The following PANK2 variants were observed in gnomAD, a reference collection of about 807,000 sequenced individuals.
PANK2 encodes the protein pantothenate kinase 2.
Under a neutral mutation model 43.1 loss-of-function variants are expected in PANK2, and 36 were observed. That is an observed-to-expected ratio of 0.84 (90% CI 0.64 to 1.10). PANK2 has a LOEUF of 1.10. Ranked by LOEUF, PANK2 falls within the 50% of genes least tolerant of loss-of-function variation. PANK2 has a pLI of 0.00. For missense variants in PANK2, 576 were observed against 593.3 expected, an observed-to-expected ratio of 0.97 and a Z score of 0.30; for synonymous variants, 281 against 238.2, an observed-to-expected ratio of 1.18 and a Z score of -1.66.
chr20:3,889,029 G>A (rs1322122748), upstream of PANK2: 5 of 1,275,320 alleles, frequency 3.9e-6, no homozygotes, highest in Admixed American at 2.6e-5. Context: ...GGGACTCGGG[G>A]TCGCCCCAGG....
intron 1 of PANK2, among the ~76,000 whole-genome samples, chr20:3,897,473 G>A (rs2090228378): frequency 6.6e-6 from 1 of 152,126 alleles, no homozygotes; most frequent in African/African-American, 2.4e-5. Flanking sequence ...GGCTGAGGCG[G>A]GTGGATCGCT....
In PANK2 at chr20:3,912,651, G is replaced by A; in HGVS notation, c.1082+17G>A. 6.2e-7 allele frequency: 1 copy of A among 1,612,654 alleles called. No individual in the cohort carries two copies. The highest frequency in any genetic ancestry group is 1.1e-5 in the South Asian group (1 of 91,048). On this transcript the variant is annotated intron_variant, in intron 4 of 6. Coordinates refer to ENST00000610179, the MANE Select transcript of PANK2 (RefSeq NM_001386393.1). Reference sequence around the variant, plus strand: ...GGCTTCAAGGTAAGGGGGCATGTGTGTTCTAAGAAATACAGGCGGGCCGGG... The same window carrying A: ...GGCTTCAAGGTAAGGGGGCATGTGTATTCTAAGAAATACAGGCGGGCCGGG...
intron 1 of PANK2, chr20:3,890,076 C>T (rs538200678): frequency 2.8e-4 from 155 of 562,750 alleles, no homozygotes; most frequent in Admixed American, 4.6e-4. Flanking sequence ...CACCTCCTTT[C>T]CTCCCAAATC....
At chr20:3,889,766 C>A in intron 1 of PANK2, 38 bp downstream of exon 1, 2 of 1,575,428 alleles carry the variant, frequency 1.3e-6, no homozygotes, top group East Asian at 2.3e-5. Context: ...GCCCGCCCTG[C>A]CCCCCCTTCC....
At chr20:3,895,569 G>C (rs901577427) in intron 1 of PANK2, among the ~76,000 whole-genome samples, 5 of 150,414 alleles carry the variant, frequency 3.3e-5, no homozygotes, top group African/African-American at 9.8e-5. Context: ...AGAGCATCAG[G>C]CAATGAAAAG....
At chr20:3,909,990 A>C (rs1332081237) in intron 2 of PANK2, among the ~76,000 whole-genome samples, 1 of 152,248 alleles carries the variant, frequency 6.6e-6, no homozygotes, top group Non-Finnish European at 1.5e-5. Flanking sequence ...ATTATGAAAC[A>C]GTTCAAATTT....
chr20:3,890,687 C>T (rs1260916997), intron 1 of PANK2, among the ~76,000 whole-genome samples: 1 of 152,114 alleles, frequency 6.6e-6, no homozygotes, highest in Non-Finnish European at 1.5e-5. Context: ...GGGAAAATGG[C>T]AAGATGTGAG....
chr20:3,891,177 A>G (rs1469855061), intron 1 of PANK2: 4 of 152,264 alleles, frequency 2.6e-5, no homozygotes, highest in Non-Finnish European at 5.9e-5. Context: ...AACCTCCTGC[A>G]TTGCTGGGAC....
intron 6 of PANK2, among the ~76,000 whole-genome samples, chr20:3,920,670 C>G (rs566169695): frequency 6.6e-6 from 1 of 152,214 alleles, no homozygotes; most frequent in South Asian, 2.1e-4. Flanking sequence ...CATGGAGAAG[C>G]CCTGTCTCTA....
At chr20:3,889,058 G>A (rs1283689397), upstream of PANK2, 11 of 1,469,764 alleles carry the variant, frequency 7.5e-6, no homozygotes, top group Non-Finnish European at 1.0e-5. Flanking sequence ...GCGGCCCGGG[G>A]GGGCAGAGGC....
intron 1 of PANK2, among the ~76,000 whole-genome samples, chr20:3,893,115 A>C (rs1294339904): frequency 6.6e-6 from 1 of 152,180 alleles, no homozygotes; most frequent in Admixed American, 6.6e-5. Flanking sequence ...TCTCATAGCT[A>C]TCCTGTGAGG....
chr20:3,910,326 T>C (rs2090449367), intron 2 of PANK2, among the ~76,000 whole-genome samples: 1 of 152,020 alleles, frequency 6.6e-6, no homozygotes, highest in Non-Finnish European at 1.5e-5. Flanking sequence ...TGTTTTTTTT[T>C]TGGTCACACT....
At position 3,913,947 on chromosome 20, in the gene PANK2, C is replaced by T. The variant is rs527912697; in HGVS notation, c.1082+1313C>T. On this transcript the variant is annotated intron_variant, in intron 4 of 6. Coordinates refer to ENST00000610179, the MANE Select transcript of PANK2 (RefSeq NM_001386393.1). ...GGGACTACAGGTGCCTGCCACCACG[C>T]CCGGCTATTTTTTTTGTATTTTTAG... Among the ~76,000 whole-genome samples, 5 of 151,958 alleles carry T rather than the reference C, an allele frequency of 3.3e-5. No homozygotes were observed. The South Asian group carries it at 1.0e-3, about 32-fold the overall frequency.
rs759591359 is a variant in PANK2 at position 3,913,552 on chromosome 20, C to T, written c.1082+918C>T. On this transcript the variant is annotated intron_variant, in intron 4 of 6. Coordinates refer to ENST00000610179, the MANE Select transcript of PANK2 (RefSeq NM_001386393.1). Reference sequence around the variant, plus strand: ...AGGGAAAGGATTTCTCCATGTTGGCCGGGCAGGTCTCGAACTCAGGTGATC... The same window carrying T: ...AGGGAAAGGATTTCTCCATGTTGGCTGGGCAGGTCTCGAACTCAGGTGATC... Among the ~76,000 whole-genome samples, 38 of 152,032 alleles carry T rather than the reference C, an allele frequency of 2.5e-4. 2 individuals carry two copies. Among genetic ancestry groups the T allele is most frequent in the Middle Eastern group, 6.8e-3 (2 of 294 alleles).
chr20:3,895,729 C>T (rs764026809), intron 1 of PANK2, among the ~76,000 whole-genome samples: 1 of 151,916 alleles, frequency 6.6e-6, no homozygotes, highest in Non-Finnish European at 1.5e-5. Context: ...TTCTAAATTG[C>T]GGCTTAAAGT....
intron 2 of PANK2, 27 bp from the exon 3 acceptor site, chr20:3,910,550 T>G (rs751998228): frequency 1.9e-6 from 3 of 1,613,740 alleles, no homozygotes; most frequent in Non-Finnish European, 2.5e-6. Flanking sequence ...TATTAAAAAG[T>G]CTGAGTACAT....
Position 3,913,196 on chromosome 20 carries a change from T to C in PANK2, c.1082+562T>C, listed in dbSNP as rs2090496674. On this transcript the variant is annotated intron_variant, in intron 4 of 6. Transcript: ENST00000610179. Reference sequence around the variant, plus strand: ...AGCCCCTGCCAAACAGTAATTTATTTTCAATGTAGGTTTGCCTCTTCTGAA... The same window carrying C: ...AGCCCCTGCCAAACAGTAATTTATTCTCAATGTAGGTTTGCCTCTTCTGAA... Among the ~76,000 whole-genome samples the C allele has an allele frequency of 2.6e-5, 4 of 152,236 alleles. No homozygotes were observed. The East Asian group carries it at 7.7e-4, about 29-fold the overall frequency.
intron 1 of PANK2, among the ~76,000 whole-genome samples, chr20:3,906,198 G>A (rs2090384340): frequency 6.6e-6 from 1 of 152,060 alleles, no homozygotes; most frequent in Admixed American, 6.6e-5. Context: ...GCTGACCTGG[G>A]TGGACTGCTT....
chr20:3,889,673 CG>C lies in PANK2; in HGVS notation c.245del (p.Gly82AlafsTer13). On this transcript the variant is annotated frameshift_variant, in exon 1 of 7. Coordinates refer to ENST00000610179, the MANE Select transcript of PANK2 (RefSeq NM_001386393.1). LOFTEE classifies it high-confidence loss of function. ...GGCGGGATCGACTGGGCTCTTACAGCGGCCCCACCTCGGTCTCCCGCCAGCG... is the reference window on the plus strand; with the variant it reads ...GGCGGGATCGACTGGGCTCTTACAGCGCCCCACCTCGGTCTCCCGCCAGCG... 6.3e-7 allele frequency: 1 copy of C among 1,591,152 alleles called. No individual in the cohort carries two copies. Among genetic ancestry groups the C allele is most frequent in the Non-Finnish European group, 8.5e-7 (1 of 1,177,036 alleles).
Sources: allele counts gnomAD v4.1 joint callset (sites outside exome capture counted in the v4.1 genomes callset), GRCh38; gene constraint gnomAD v4.1.1; transcripts MANE v1.5; gene names NCBI Gene and HGNC (gene_info 2026-07-23, HGNC 2026-07-21).